Variants in ARHGAP44 observed in about 807,000 individuals in gnomAD.
The protein encoded by ARHGAP44 is rho GTPase-activating protein 44.
ARHGAP44 carries 43 observed loss-of-function variants against 106.8 expected under a neutral mutation model. That is an observed-to-expected ratio of 0.40 (90% CI 0.32 to 0.52). The LOEUF (loss-of-function observed/expected upper bound fraction) is 0.52. Ranked by LOEUF, ARHGAP44 falls within the 20% of genes least tolerant of loss-of-function variation. The pLI, the probability that ARHGAP44 is intolerant of heterozygous loss-of-function variation, is 0.48. For synonymous variants in ARHGAP44, 439 were observed against 410.3 expected, an observed-to-expected ratio of 1.07 and a Z score of -0.85; for missense variants, 866 against 1,050.5, an observed-to-expected ratio of 0.82 and a Z score of 2.43.
intron 1 of ARHGAP44, among the ~76,000 whole-genome samples, chr17:12,794,711 A>G (rs778983060): frequency 6.6e-6 from 1 of 152,064 alleles, no homozygotes; most frequent in Non-Finnish European, 1.5e-5. Context: ...CTTTGCATAC[A>G]TTGCAAAGCA....
chr17:12,916,637 G>A (rs759972823), intron 5 of ARHGAP44, among the ~76,000 whole-genome samples: 12 of 152,198 alleles, frequency 7.9e-5, no homozygotes, highest in Admixed American at 6.5e-5. Context: ...CACCCGCCTT[G>A]GCCTCCCAAA....
intron 1 of ARHGAP44, among the ~76,000 whole-genome samples, chr17:12,853,959 C>T (rs796887015): frequency 1.7e-4 from 26 of 152,294 alleles, no homozygotes; most frequent in African/African-American, 5.8e-4. Flanking sequence ...ATTCTGTTCC[C>T]GCAGACCTGA....
intron 1 of ARHGAP44, among the ~76,000 whole-genome samples, chr17:12,870,469 T>G (rs1442664648): frequency 6.6e-6 from 1 of 152,178 alleles, no homozygotes; most frequent in African/African-American, 2.4e-5. Flanking sequence ...CATCCCTATT[T>G]CCAGACCTCC....
At chr17:12,888,618 G>A (rs2036950940) in intron 1 of ARHGAP44, among the ~76,000 whole-genome samples, 1 of 152,140 alleles carries the variant, frequency 6.6e-6, no homozygotes. Context: ...TAATGGAGGT[G>A]TTGTGTTTTT....
chr17:12,818,742 CAAAGGCTATAA>C (rs934661887), intron 1 of ARHGAP44, among the ~76,000 whole-genome samples: 2 of 151,994 alleles, frequency 1.3e-5, no homozygotes, highest in African/African-American at 2.4e-5. Context: ...ATCCATGTGC[CAAAGGCTATAA>C]AACACTGTTG....
intron 6 of ARHGAP44, among the ~76,000 whole-genome samples, chr17:12,923,506 T>C (rs567371572): frequency 2.6e-5 from 4 of 152,184 alleles, no homozygotes; most frequent in African/African-American, 9.6e-5. Flanking sequence ...CGTGAGCCAC[T>C]GTGCCCGGCC....
intron 1 of ARHGAP44, among the ~76,000 whole-genome samples, chr17:12,822,170 C>T (rs187961668): frequency 7.9e-5 from 12 of 152,314 alleles, no homozygotes; most frequent in Non-Finnish European, 1.3e-4. Context: ...TTGTGGGAAA[C>T]TACTCTGCTA....
intron 18 of ARHGAP44, among the ~76,000 whole-genome samples, chr17:12,979,823 C>T (rs895541188): frequency 6.6e-6 from 1 of 152,138 alleles, no homozygotes; most frequent in African/African-American, 2.4e-5. Context: ...AGGGCATTGG[C>T]AGTGAGTGCC....
chr17:12,873,606 G>A (rs930112066), intron 1 of ARHGAP44, among the ~76,000 whole-genome samples: 11 of 152,268 alleles, frequency 7.2e-5, no homozygotes, highest in African/African-American at 2.4e-4. Context: ...CCAGCTGGGC[G>A]CAAACCACCA....
chr17:12,948,730 ACACACACACACACACACACACC>A (rs996730354), intron 10 of ARHGAP44, among the ~76,000 whole-genome samples: 9 of 150,940 alleles, frequency 6.0e-5, no homozygotes, highest in South Asian at 2.1e-4. Flanking sequence ...ACATACACAC[ACACACACACACACACACACACC>A]CCCTGTAGAC....
chr17:12,985,834 G>A lies in ARHGAP44; in HGVS notation c.2317+926G>A, dbSNP rs116652757. On this transcript the variant is annotated intron_variant, in intron 20 of 20. Coordinates refer to ENST00000379672, the MANE Select transcript of ARHGAP44 (RefSeq NM_014859.6). The stretch of plus-strand genomic sequence containing the variant: ...GTGAGCTGGAGCATATGTGTACCTA[G>A]TGTTGTCCCAAGTAGCAGAAGGTGA... 934 of 152,372 alleles carry A rather than the reference G, an allele frequency of 6.1e-3. 7 individuals are homozygous for A. The highest frequency in any genetic ancestry group is 0.019 in the African/African-American group (787 of 41,538). The allele number at this position is 152,372 out of a possible 1,614,324, so 9.4% of individuals were successfully genotyped here. A position where few individuals can be genotyped will look rare whatever the true frequency, so the allele number is the denominator to read the frequency against.
In ARHGAP44 at chr17:12,915,886, C is replaced by G. The variant is rs900563445; in HGVS notation, c.276-14C>G. ...TCAAGAGTATTCACTATTTCTTTCC[C>G]CCTTGGATTACAGGAAGATGCTGAA... is the stretch of plus-strand genomic sequence containing the variant. On this transcript the variant is annotated splice_polypyrimidine_tract_variant and intron_variant, in intron 4 of 20. Transcript: ENST00000379672. 3 of 1,609,664 alleles carry G rather than the reference C, an allele frequency of 1.9e-6. No homozygotes were observed. The highest frequency in any genetic ancestry group is 2.5e-6 in the Non-Finnish European group (3 of 1,176,680).
chr17:12,974,204 G>C lies in ARHGAP44; in HGVS notation c.1657G>C (p.Ala553Pro), dbSNP rs2039607460. ...GCCTCCCGCCCCGCCCGCCGAGCTG[G>C]CTGCGCCCCTGCCTTCGCCGCTGCC... ...MQPPAPPAELAAPLPSPLPEQ... is the reference protein window; with the variant it reads ...MQPPAPPAELPAPLPSPLPEQ... Residue 553 changes from alanine to proline, a missense_variant, in exon 18 of 21, where the codon GCT becomes CCT. Ala to Pro is a conservative substitution (Grantham distance 27, BLOSUM62 -1). Around this residue, in one of 2 missense-constraint regions of ARHGAP44, gnomAD observed 418 missense variants for 403.6 expected, o/e 1.04. Transcript: ENST00000379672. The C allele has an allele frequency of 6.5e-6, 10 of 1,548,100 alleles. No homozygotes were observed. In the East Asian group the frequency reaches 2.0e-4, roughly 30 times the overall value.
At chr17:12,953,503 G>A (rs1434940698) in intron 13 of ARHGAP44, among the ~76,000 whole-genome samples, 1 of 152,186 alleles carries the variant, frequency 6.6e-6, no homozygotes, top group East Asian at 1.9e-4. Flanking sequence ...ATTACTGTAG[G>A]ATCCAGCAAT....
chr17:12,882,737 G>T (rs1411189496), intron 1 of ARHGAP44, among the ~76,000 whole-genome samples: 1 of 152,004 alleles, frequency 6.6e-6, no homozygotes, highest in Non-Finnish European at 1.5e-5. Flanking sequence ...AATTATACTT[G>T]CAGGTTGCTA....
At chr17:12,806,884 G>C (rs2034291894) in intron 1 of ARHGAP44, among the ~76,000 whole-genome samples, 1 of 152,140 alleles carries the variant, frequency 6.6e-6, no homozygotes, top group South Asian at 2.1e-4. Context: ...CTGTTGATAG[G>C]GGGTAAGAGG....
At chr17:12,790,957 G>C (rs1212826401) in intron 1 of ARHGAP44, among the ~76,000 whole-genome samples, 1 of 152,090 alleles carries the variant, frequency 6.6e-6, no homozygotes, top group African/African-American at 2.4e-5. Flanking sequence ...TCAACACCTC[G>C]AGGGCTCTCC....
chr17:12,864,856 C>G (rs2036188524), intron 1 of ARHGAP44, among the ~76,000 whole-genome samples: 1 of 152,050 alleles, frequency 6.6e-6, no homozygotes, highest in African/African-American at 2.4e-5. Flanking sequence ...AAAAGAAGAT[C>G]ACTGCTAAGA....
At chr17:12,817,442 A>G (rs943654015) in intron 1 of ARHGAP44, among the ~76,000 whole-genome samples, 1 of 152,028 alleles carries the variant, frequency 6.6e-6, no homozygotes, top group Admixed American at 6.6e-5. Flanking sequence ...GTCTCAAATC[A>G]GTAATATAAG....
Sources: gnomAD v4.1 joint callset for allele counts (sites outside exome capture counted in the v4.1 genomes callset) on GRCh38, gnomAD v4.1.1 for gene constraint, gnomAD v4.1.1 regional missense constraint, MANE v1.5 for transcripts, NCBI Gene and HGNC (gene_info 2026-07-23, HGNC 2026-07-21) for gene names.